CCDC112: variants seen among roughly 807,000 people sequenced by gnomAD.
The protein encoded by CCDC112 is coiled-coil domain containing 112.
A neutral mutation model predicts 66.3 loss-of-function variants in CCDC112; 40 were observed. The observed-to-expected ratio is 0.60, with a 90% CI of 0.47 to 0.79. The LOEUF is 0.79. Ranked by LOEUF, CCDC112 falls within the 30% of genes least tolerant of loss-of-function variation. The probability of loss-of-function intolerance (pLI) is 0.00; values close to 1 mark genes in which losing one functional copy is unlikely to be tolerated. For synonymous variants in CCDC112, 214 were observed against 197.2 expected, an observed-to-expected ratio of 1.09 and a Z score of -0.71; for missense variants, 659 against 603.8, an observed-to-expected ratio of 1.09 and a Z score of -0.96.
intron 3 of CCDC112, among the ~76,000 whole-genome samples, chr5:115,279,441 A>C (rs186188442): frequency 3.3e-5 from 5 of 152,284 alleles, no homozygotes; most frequent in Middle Eastern, 3.4e-3. Context: ...TCCAGTTAGT[A>C]TGACTAAATA....
intron 1 of CCDC112, among the ~76,000 whole-genome samples, chr5:115,293,647 C>T (rs951885644): frequency 1.3e-5 from 2 of 152,196 alleles, no homozygotes; most frequent in African/African-American, 4.8e-5. Flanking sequence ...TGACTCTGAT[C>T]TTCCTGCGAC....
intron 2 of CCDC112, among the ~76,000 whole-genome samples, chr5:115,283,788 A>G (rs1295249414): frequency 6.6e-6 from 1 of 152,064 alleles, no homozygotes; most frequent in Non-Finnish European, 1.5e-5. Context: ...CATTCCTTAT[A>G]ATAGGCTCCT....
rs192946355 is a variant in CCDC112, at chr5:115,277,567, T to C, written c.362-513A>G. On this transcript the variant is annotated intron_variant, in intron 3 of 9. Coordinates refer to ENST00000379611, the MANE Select transcript of CCDC112 (RefSeq NM_001040440.3). ...AAGGGGCAGGTGATACTCATTGTTATCACTGGCACGGCCCTGAGGAGGTGC... is the reference window on the plus strand; with the variant it reads ...AAGGGGCAGGTGATACTCATTGTTACCACTGGCACGGCCCTGAGGAGGTGC... 3.8e-3 allele frequency among the ~76,000 whole-genome samples: 579 copies of C among 152,282 alleles called. 1 individual carries two copies. Among genetic ancestry groups the C allele is most frequent in the Middle Eastern group, 0.014 (4 of 294 alleles).
intron 1 of CCDC112, among the ~76,000 whole-genome samples, chr5:115,285,584 G>T (rs1347378286): frequency 2.0e-5 from 3 of 152,112 alleles, no homozygotes; most frequent in Admixed American, 2.0e-4. Context: ...CATGAGATTA[G>T]TAACGGTGTG....
At chr5:115,284,067 C>T (rs1352423869) in intron 2 of CCDC112, among the ~76,000 whole-genome samples, 1 of 150,486 alleles carries the variant, frequency 6.6e-6, no homozygotes, top group African/African-American at 2.4e-5. Flanking sequence ...CTGAAAGGAG[C>T]AGAAACCAAG....
chr5:115,285,103 C>A (rs1336021632), intron 1 of CCDC112, among the ~76,000 whole-genome samples, 195 bp from the exon 2 acceptor site: 1 of 152,138 alleles, frequency 6.6e-6, no homozygotes, highest in African/African-American at 2.4e-5. Context: ...TCTTAAAATG[C>A]TAAACTGAGT....
intron 2 of CCDC112, among the ~76,000 whole-genome samples, chr5:115,280,793 A>G (rs1160677801): frequency 6.6e-6 from 1 of 152,004 alleles, no homozygotes; most frequent in East Asian, 1.9e-4. Flanking sequence ...AGCTCAAGTG[A>G]TCTGCCCACC....
intron 1 of CCDC112, 22 bp from the exon 2 acceptor site, chr5:115,284,930 C>G: frequency 6.3e-7 from 1 of 1,587,798 alleles, no homozygotes; most frequent in Non-Finnish European, 8.6e-7. Context: ...ACAAGAAAAA[C>G]TTAACAGTAA....
chr5:115,270,405 C>T (rs1748948168), intron 7 of CCDC112, among the ~76,000 whole-genome samples: 1 of 152,092 alleles, frequency 6.6e-6, no homozygotes, highest in Non-Finnish European at 1.5e-5. Flanking sequence ...TTTTAAAGTC[C>T]CCTTCCTTGT....
chr5:115,275,082 T>C, intron 6 of CCDC112, 134 bp downstream of exon 6: 1 of 703,792 alleles, frequency 1.4e-6, no homozygotes, highest in Non-Finnish European at 2.3e-6. Flanking sequence ...TCATCTTCTA[T>C]TAGATTGTCG....
intron 8 of CCDC112, among the ~76,000 whole-genome samples, chr5:115,269,333 T>G (rs1376010275): frequency 6.6e-6 from 1 of 152,172 alleles, no homozygotes; most frequent in Non-Finnish European, 1.5e-5. Context: ...TACCAATAAG[T>G]CTTCCGTTTT....
At chr5:115,295,898 G>T (rs1750133093) in intron 1 of CCDC112, 1 of 985,552 alleles carries the variant, frequency 1.0e-6, no homozygotes, top group Non-Finnish European at 1.2e-6. Context: ...GATAACATCT[G>T]AACAAAGATA....
intron 2 of CCDC112, among the ~76,000 whole-genome samples, chr5:115,283,787 T>C (rs1360643753): frequency 2.0e-5 from 3 of 152,124 alleles, no homozygotes; most frequent in Non-Finnish European, 4.4e-5. Flanking sequence ...CCATTCCTTA[T>C]AATAGGCTCC....
chr5:115,275,596 G>C lies in CCDC112; in HGVS notation c.538C>G (p.Leu180Val). The C allele has an allele frequency of 6.4e-7, 1 of 1,563,686 alleles. No individual in the cohort carries two copies. The highest frequency in any genetic ancestry group is 1.2e-5 in the South Asian group (1 of 85,504). The change falls in exon 6 of 10, where the codon CTA becomes GTA. Residue 180 changes from leucine to valine, a missense_variant. By Grantham distance (32) the Leu-to-Val change is conservative (BLOSUM62 1). Transcript: ENST00000379611. ...KEEQRLIYEE[L>V]IKEEKTTNNE... Reference sequence around the variant, plus strand: ...TTAGTTGTCTTCTCTTCTTTAATTAGCTCTTCATATCTAAAATTTTAAAAA... The same window carrying C: ...TTAGTTGTCTTCTCTTCTTTAATTACCTCTTCATATCTAAAATTTTAAAAA...
intron 1 of CCDC112, among the ~76,000 whole-genome samples, chr5:115,289,493 T>C (rs1332076236): frequency 6.6e-6 from 1 of 152,218 alleles, no homozygotes; most frequent in African/African-American, 2.4e-5. Context: ...TTGTTCCTAC[T>C]TTACAGAACC....
At chr5:115,284,230 G>A (rs893545816) in intron 2 of CCDC112, among the ~76,000 whole-genome samples, 1 of 152,112 alleles carries the variant, frequency 6.6e-6, no homozygotes, top group African/African-American at 2.4e-5. Flanking sequence ...AAGAACAATG[G>A]CTTTCAGAGT....
intron 9 of CCDC112, 42 bp from the exon 10 acceptor site, chr5:115,267,960 A>G (rs758241347): frequency 6.6e-7 from 1 of 1,509,760 alleles, no homozygotes; most frequent in Non-Finnish European, 9.2e-7. Flanking sequence ...TATGTAGGAA[A>G]TTAAAAAGAA....
intron 1 of CCDC112, among the ~76,000 whole-genome samples, chr5:115,293,245 T>C (rs1256147944): frequency 2.0e-5 from 3 of 152,146 alleles, no homozygotes; most frequent in Admixed American, 2.0e-4. Flanking sequence ...GAGGAATGTT[T>C]TGAGATCTAC....
chr5:115,275,219 T>C lies in CCDC112; in HGVS notation c.915A>G (p.Lys305=). 2.5e-6 allele frequency: 4 copies of C among 1,600,252 alleles called. No homozygotes were observed. Among genetic ancestry groups the C allele is most frequent in the Non-Finnish European group, 3.4e-6 (4 of 1,173,660 alleles). ...TAATAGCTATTATAATTATTACCTC[T>C]TTTTTTCTTTCTTCTAGAGCCAGAA... The part of the protein sequence containing the change: ...QKFLALEERK[K]ESIQIWKTKK... Residue 305 remains lysine, a synonymous_variant, in exon 6 of 10, where the codon AAA becomes AAG. Coordinates refer to ENST00000379611, the MANE Select transcript of CCDC112 (RefSeq NM_001040440.3).
Sources: allele counts gnomAD v4.1 joint callset (sites outside exome capture counted in the v4.1 genomes callset), GRCh38; gene constraint gnomAD v4.1.1; transcripts MANE v1.5; gene names NCBI Gene and HGNC (gene_info 2026-07-23, HGNC 2026-07-21).